The following SOCS2 variants were observed in gnomAD, a reference collection of about 807,000 sequenced individuals.
SOCS2 encodes suppressor of cytokine signaling 2.
In SOCS2, 10 loss-of-function variants were observed where a neutral mutation model predicts 18.6. The ratio of observed to expected loss-of-function variants is 0.54; its 90% confidence interval spans 0.33 to 0.91. The LOEUF is 0.91. Ranked by LOEUF, SOCS2 falls within the 40% of genes least tolerant of loss-of-function variation. The probability of loss-of-function intolerance (pLI) is 0.02; values close to 1 mark genes in which losing one functional copy is unlikely to be tolerated. For synonymous variants in SOCS2, 104 were observed against 104.0 expected (o/e 1.00, Z 0.00); for missense variants, 231 against 247.2 (o/e 0.93, Z 0.44).
chr12:93,606,164 A>G, the SOCS2 span, among the ~76,000 whole-genome samples: 1 of 151,888 alleles, frequency 6.6e-6, no homozygotes, highest in East Asian at 1.9e-4. Context: ...TTTATATTTC[A>G]CTGGCCAGAA....
At chr12:93,605,395 G>T in the SOCS2 span, among the ~76,000 whole-genome samples, 1 of 152,152 alleles carries the variant, frequency 6.6e-6, no homozygotes, top group Non-Finnish European at 1.5e-5. Context: ...CTCCTGAAGG[G>T]CCATTACCTG....
At chr12:93,570,231 G>A (rs563568165), upstream of SOCS2, 2 of 152,428 alleles carry the variant, frequency 1.3e-5, no homozygotes, top group African/African-American at 4.8e-5. Context: ...CGGCGCAGGT[G>A]ACCCGGGCGG....
chr12:93,608,193 G>A, the SOCS2 span, among the ~76,000 whole-genome samples: 2 of 151,368 alleles, frequency 1.3e-5, no homozygotes, highest in Non-Finnish European at 2.9e-5. Flanking sequence ...TAATGACAGG[G>A]TCTTGTTACA....
In SOCS2 at chr12:93,576,315, T is replaced by C. The variant is rs749554268; in HGVS notation, c.*1136T>C. The C allele has an allele frequency of 1.3e-5, 2 of 152,566 alleles. No individual in the cohort carries two copies. Among genetic ancestry groups the C allele is most frequent in the Non-Finnish European group, 2.9e-5 (2 of 68,044 alleles). The allele number at this position is 152,566 out of a possible 1,614,324, so 9.5% of individuals were successfully genotyped here. A position where few individuals can be genotyped will look rare whatever the true frequency, so the allele number is the denominator to read the frequency against. ...CAATTATTCAACAAAAGGTAGAACATTACTTGCCATTCTGTAAAGTTATGG... is the reference window on the plus strand; with the variant it reads ...CAATTATTCAACAAAAGGTAGAACACTACTTGCCATTCTGTAAAGTTATGG... On this transcript the variant is annotated 3_prime_UTR_variant, in exon 2 of 2. Coordinates refer to ENST00000551556, the MANE Select transcript of SOCS2 (RefSeq NM_001270471.2).
intron 1 of SOCS2, 107 bp downstream of exon 1, chr12:93,573,143 C>T (rs754156841): frequency 1.4e-5 from 19 of 1,397,896 alleles, no homozygotes; most frequent in Non-Finnish European, 1.8e-5. Context: ...GGAAATACGT[C>T]CCTTGCTTCC....
chr12:93,606,292 A>C, the SOCS2 span, among the ~76,000 whole-genome samples: 22 of 152,152 alleles, frequency 1.4e-4, no homozygotes, highest in African/African-American at 5.3e-4. Flanking sequence ...AGGAGAAGAG[A>C]TGGATATTGA....
chr12:93,624,604 A>G, the SOCS2 span, among the ~76,000 whole-genome samples: 2 of 152,112 alleles, frequency 1.3e-5, no homozygotes, highest in Non-Finnish European at 2.9e-5. Flanking sequence ...GTTAATTACC[A>G]GTTCTTAGGT....
the SOCS2 span, among the ~76,000 whole-genome samples, chr12:93,592,213 C>A: frequency 6.6e-6 from 1 of 152,162 alleles, no homozygotes; most frequent in East Asian, 1.9e-4. Context: ...TTGTACTATA[C>A]TTTCTGCTCT....
At chr12:93,573,577 G>A (rs1451833705) in intron 1 of SOCS2, 4 of 203,384 alleles carry the variant, frequency 2.0e-5, no homozygotes, top group Non-Finnish European at 3.9e-5. Flanking sequence ...CGCGCCCAGG[G>A]TACTGCCGCT....
the SOCS2 span, among the ~76,000 whole-genome samples, chr12:93,621,107 C>A: frequency 2.0e-5 from 3 of 152,000 alleles, no homozygotes; most frequent in African/African-American, 7.2e-5. Flanking sequence ...GCATATACGT[C>A]CTCGTGACTG....
chr12:93,599,171 CTTTTT>C, the SOCS2 span, among the ~76,000 whole-genome samples: 1 of 122,328 alleles, frequency 8.2e-6, no homozygotes, highest in Non-Finnish European at 1.7e-5. Context: ...TGCTGTTTGT[CTTTTT>C]TTTTTTTTTT....
At chr12:93,599,885 G>C in the SOCS2 span, among the ~76,000 whole-genome samples, 5,042 of 152,224 alleles carry the variant, frequency 0.033, 223 homozygotes, top group African/African-American at 0.1. Flanking sequence ...AGAAGTGTGA[G>C]AAATAAAATT....
the SOCS2 span, among the ~76,000 whole-genome samples, chr12:93,606,794 A>G: frequency 7.9e-5 from 12 of 152,118 alleles, no homozygotes; most frequent in African/African-American, 2.9e-4. Context: ...CTGGGACTAT[A>G]GGTGCCCACC....
the SOCS2 span, among the ~76,000 whole-genome samples, chr12:93,596,685 G>A: frequency 1.8e-4 from 28 of 152,190 alleles, no homozygotes; most frequent in African/African-American, 6.5e-4. Flanking sequence ...AAAATTAGCT[G>A]GGCGTGTTGG....
intron 1 of SOCS2, chr12:93,574,191 G>A (rs866205898): frequency 3.0e-4 from 45 of 150,714 alleles, no homozygotes; most frequent in African/African-American, 1.0e-3. Flanking sequence ...GTTCATAGCA[G>A]GCTTTGCAGA....
upstream of SOCS2, chr12:93,572,014 G>T (rs898110758): frequency 4.5e-6 from 1 of 219,962 alleles, no homozygotes; most frequent in African/African-American, 2.4e-5. This position sits in a 1 kb window ranked among gnomAD's most constrained non-coding sequence, Gnocchi z 5.0. Context: ...TGCGCGCTCG[G>T]GCCGATTCCT....
chr12:93,585,473 G>A (rs974377644), downstream of SOCS2, among the ~76,000 whole-genome samples: 1 of 152,080 alleles, frequency 6.6e-6, no homozygotes, highest in Non-Finnish European at 1.5e-5. Context: ...CAACCATAAG[G>A]GGGCCAGGAA....
the SOCS2 span, among the ~76,000 whole-genome samples, chr12:93,625,674 G>A: frequency 6.6e-6 from 1 of 151,192 alleles, no homozygotes; most frequent in Non-Finnish European, 1.5e-5. Context: ...CTTGAACCTG[G>A]GAGGCGGAGG....
chr12:93,614,600 T>TTTCTTTCTTTC, the SOCS2 span, among the ~76,000 whole-genome samples: 1 of 120,360 alleles, frequency 8.3e-6, no homozygotes, highest in Non-Finnish European at 1.7e-5. Context: ...TCTTTCTTTC[T>TTTCTTTCTTTC]TTCTTTCTTT....
Sources: gnomAD v4.1 joint callset for allele counts (sites outside exome capture counted in the v4.1 genomes callset) on GRCh38, gnomAD v4.1.1 for gene constraint, Gnocchi (gnomAD v3.1) non-coding constraint, MANE v1.5 for transcripts, NCBI Gene and HGNC (gene_info 2026-07-23, HGNC 2026-07-21) for gene names.